NKAIN2: variants seen among roughly 807,000 people sequenced by gnomAD.
NKAIN2 encodes the protein sodium/potassium-transporting ATPase subunit beta-1-interacting protein 2.
NKAIN2 carries 14 observed loss-of-function variants against 32.6 expected under a neutral mutation model. That is an observed-to-expected ratio of 0.43 (90% CI 0.28 to 0.67). The LOEUF is 0.67. NKAIN2 is among the 30% of genes least tolerant of loss of function. The pLI, the probability that NKAIN2 is intolerant of heterozygous loss-of-function variation, is 0.17. For missense variants in NKAIN2, 198 were observed against 258.3 expected (o/e 0.77, Z 1.60); for synonymous variants, 80 against 87.2 (o/e 0.92, Z 0.46).
In NKAIN2 at chr6:124,078,788, G is replaced by T. The variant is rs1156462879; in HGVS notation, c.55-204217G>T. On this transcript the variant is annotated intron_variant, in intron 1 of 6. Coordinates refer to ENST00000368417, the MANE Select transcript of NKAIN2 (RefSeq NM_001040214.3). ...AGCCAAAAATGGCTATGTCGTTTTT[G>T]TGTGTGTGTGTGTGTGTGTGTGTGT... Among the ~76,000 whole-genome samples, 27 of 38,346 alleles carry T rather than the reference G, an allele frequency of 7.0e-4. No individual in the cohort carries two copies. The South Asian group carries it at 0.014, about 20-fold the overall frequency. 25.2% of individuals were successfully genotyped at this position (38,346 alleles called of 152,430 possible).
chr6:124,061,737 A>G (rs1782926333), intron 1 of NKAIN2, among the ~76,000 whole-genome samples: 1 of 151,976 alleles, frequency 6.6e-6, no homozygotes, highest in Non-Finnish European at 1.5e-5. Context: ...AGCCATACCA[A>G]AGAAGAGATC....
chr6:123,952,774 T>A (rs1330470285), intron 1 of NKAIN2, among the ~76,000 whole-genome samples: 1 of 152,170 alleles, frequency 6.6e-6, no homozygotes, highest in Non-Finnish European at 1.5e-5. Context: ...GGGAAATTTT[T>A]AATTCATATC....
chr6:123,966,951 A>G (rs975533531), intron 1 of NKAIN2, among the ~76,000 whole-genome samples: 2 of 152,202 alleles, frequency 1.3e-5, no homozygotes, highest in Non-Finnish European at 2.9e-5. Flanking sequence ...TTAAGGACAT[A>G]GTTAACATAA....
chr6:124,713,815 C>G (rs747524427), intron 4 of NKAIN2, among the ~76,000 whole-genome samples: 1 of 152,116 alleles, frequency 6.6e-6, no homozygotes, highest in Non-Finnish European at 1.5e-5. Flanking sequence ...AGAACTATCC[C>G]AAAATATAAT....
chr6:124,819,965 ATCT>A (rs1474532299), intron 6 of NKAIN2, among the ~76,000 whole-genome samples: 2 of 152,144 alleles, frequency 1.3e-5, no homozygotes, highest in Non-Finnish European at 2.9e-5. Context: ...AACAAACATC[ATCT>A]TTTTTCCAAA....
intron 4 of NKAIN2, among the ~76,000 whole-genome samples, chr6:124,727,433 C>A (rs1776386516): frequency 6.7e-6 from 1 of 150,312 alleles, no homozygotes; most frequent in Admixed American, 6.6e-5. Context: ...ATTTTCAACC[C>A]AGAATTTCAT....
intron 3 of NKAIN2, among the ~76,000 whole-genome samples, chr6:124,464,553 A>G (rs956920262): frequency 3.3e-5 from 5 of 151,912 alleles, no homozygotes; most frequent in African/African-American, 1.2e-4. Context: ...TTAATGTTAT[A>G]GTATACATGC....
chr6:124,287,115 G>A (rs1217108171), intron 2 of NKAIN2, among the ~76,000 whole-genome samples: 2 of 152,118 alleles, frequency 1.3e-5, no homozygotes, highest in Non-Finnish European at 2.9e-5. Flanking sequence ...TACTTAGTAT[G>A]TCTATCTTAT....
At chr6:123,983,369 A>G (rs1450630766) in intron 1 of NKAIN2, among the ~76,000 whole-genome samples, 1 of 152,156 alleles carries the variant, frequency 6.6e-6, no homozygotes, top group Non-Finnish European at 1.5e-5. Context: ...TGTTAGATGG[A>G]ACTCTGATGA....
intron 3 of NKAIN2, among the ~76,000 whole-genome samples, chr6:124,440,092 G>C (rs1314971855): frequency 6.6e-6 from 1 of 152,068 alleles, no homozygotes; most frequent in African/African-American, 2.4e-5. Context: ...TTATATTTCT[G>C]CATTAACCAA....
chr6:124,797,907 A>T (rs980626190), intron 5 of NKAIN2, among the ~76,000 whole-genome samples: 22 of 152,156 alleles, frequency 1.4e-4, no homozygotes, highest in Non-Finnish European at 3.1e-4. Context: ...ACAGATAAAT[A>T]AAAAAAGGAA....
intron 3 of NKAIN2, among the ~76,000 whole-genome samples, chr6:124,636,804 T>C (rs1783788743): frequency 6.6e-6 from 1 of 152,036 alleles, no homozygotes; most frequent in Non-Finnish European, 1.5e-5. Flanking sequence ...TGCTGAATTC[T>C]ACCAAACTTT....
chr6:124,516,972 A>G (rs1028873733), intron 3 of NKAIN2, among the ~76,000 whole-genome samples: 3 of 152,214 alleles, frequency 2.0e-5, no homozygotes, highest in African/African-American at 7.2e-5. Flanking sequence ...CTGTTCTGCA[A>G]GGGACATCTT....
chr6:124,388,242 T>A (rs115008203), intron 3 of NKAIN2, among the ~76,000 whole-genome samples: 85 of 152,250 alleles, frequency 5.6e-4, no homozygotes, highest in African/African-American at 2.0e-3. Context: ...TTTCATTGAC[T>A]TGGACATCAG....
intron 3 of NKAIN2, among the ~76,000 whole-genome samples, chr6:124,476,101 T>TGCGC (rs1777200353): frequency 1.4e-5 from 2 of 139,022 alleles, no homozygotes; most frequent in African/African-American, 5.3e-5. Context: ...TGTGTGTGCG[T>TGCGC]GCGCGCGCGC....
chr6:124,448,916 C>G (rs1775995837), intron 3 of NKAIN2, among the ~76,000 whole-genome samples: 1 of 152,124 alleles, frequency 6.6e-6, no homozygotes, highest in Non-Finnish European at 1.5e-5. Flanking sequence ...TGCCTAAACT[C>G]ATGCCTGGTC....
Position 124,571,965 on chromosome 6 carries a change from C to G in NKAIN2, c.274-86221C>G, listed in dbSNP as rs557117103. Among the ~76,000 whole-genome samples, 13 of 152,250 alleles carry G rather than the reference C, an allele frequency of 8.5e-5. No homozygotes were observed. The South Asian group carries it at 2.3e-3, about 27-fold the overall frequency. On this transcript the variant is annotated intron_variant, in intron 3 of 6. Transcript: ENST00000368417. ...TCTCTTCTTCTCCCACTCACTCTGCCCTTCCAATTTGGCTTTTGTCTCTAG... is the reference window on the plus strand; with the variant it reads ...TCTCTTCTTCTCCCACTCACTCTGCGCTTCCAATTTGGCTTTTGTCTCTAG...
At chr6:124,805,814 G>C (rs868262174) in intron 5 of NKAIN2, among the ~76,000 whole-genome samples, 1 of 152,312 alleles carries the variant, frequency 6.6e-6, no homozygotes, top group East Asian at 1.9e-4. Flanking sequence ...GGAGCTGAAA[G>C]CCAAGGCATG....
intron 3 of NKAIN2, among the ~76,000 whole-genome samples, chr6:124,509,321 A>G (rs1393105967): frequency 6.6e-6 from 1 of 152,208 alleles, no homozygotes; most frequent in Non-Finnish European, 1.5e-5. Flanking sequence ...TTAACTCTGC[A>G]AAGTTTATGA....
Sources: gnomAD v4.1 joint callset for allele counts (sites outside exome capture counted in the v4.1 genomes callset) on GRCh38, gnomAD v4.1.1 for gene constraint, MANE v1.5 for transcripts, NCBI Gene and HGNC (gene_info 2026-07-23, HGNC 2026-07-21) for gene names.